Variants in AHCTF1 observed in about 807,000 individuals in gnomAD.
AHCTF1 encodes the protein protein ELYS.
Under a neutral mutation model 248.4 loss-of-function variants are expected in AHCTF1, and 24 were observed. The ratio of observed to expected loss-of-function variants is 0.10; its 90% confidence interval spans 0.07 to 0.14. The LOEUF (loss-of-function observed/expected upper bound fraction) is 0.14. Ranked by LOEUF, AHCTF1 falls within the 10% of genes least tolerant of loss-of-function variation. The probability of loss-of-function intolerance (pLI) is 1.00; values close to 1 mark genes in which losing one functional copy is unlikely to be tolerated. For missense variants in AHCTF1, 2,206 were observed against 2,636.2 expected, an observed-to-expected ratio of 0.84 and a Z score of 3.57; for synonymous variants, 786 against 929.8, an observed-to-expected ratio of 0.85 and a Z score of 2.81.
intron 7 of AHCTF1, 111 bp from the exon 8 acceptor site, chr1:246,902,786 T>C: frequency 9.3e-7 from 1 of 1,074,218 alleles, no homozygotes. Context: ...AGAAAACAAT[T>C]TAGACTGAAG....
Position 246,857,817 on chromosome 1 carries a change from A to G in AHCTF1, c.4133-3T>C, listed in dbSNP as rs1384532414. ...TGTTTCTGCATCTTCTAAATTGCCT[A>G]TAAGTCATACAAATAAGAATATTAT... is the stretch of plus-strand genomic sequence containing the variant. On this transcript the variant is annotated splice_polypyrimidine_tract_variant and splice_region_variant and intron_variant, in intron 29 of 35. Coordinates refer to ENST00000648844, the MANE Select transcript of AHCTF1 (RefSeq NM_001323342.2). 18 of 1,603,020 alleles carry G rather than the reference A, an allele frequency of 1.1e-5. No homozygotes were observed. Among genetic ancestry groups the G allele is most frequent in the Middle Eastern group, 3.3e-4 (2 of 6,042 alleles).
At chr1:246,878,396 CAAAAAAAAAAAAA>C (rs1199465751) in intron 21 of AHCTF1, among the ~76,000 whole-genome samples, 20 of 30,784 alleles carry the variant, frequency 6.5e-4, no homozygotes, top group African/African-American at 1.3e-3. Flanking sequence ...GATTCTGTCT[CAAAAAAAAAAAAA>C]AAAAAAAAAA....
chr1:246,864,239 T>C, intron 26 of AHCTF1, 123 bp from the exon 27 acceptor site: 1 of 990,634 alleles, frequency 1.0e-6, no homozygotes, highest in Non-Finnish European at 1.5e-6. Context: ...CAGTCAAGTA[T>C]ATTAATGTAA....
intron 5 of AHCTF1, among the ~76,000 whole-genome samples, chr1:246,906,412 TA>T (rs112484454): frequency 1.6e-3 from 234 of 144,004 alleles, no homozygotes; most frequent in Middle Eastern, 3.6e-3. Context: ...AATCCGTCTC[TA>T]AAAAAAAAAA....
rs752270952 is a variant in AHCTF1 at position 246,850,118 on chromosome 1, G to T, written c.5888C>A (p.Ala1963Glu). The T allele has an allele frequency of 6.2e-7, 1 of 1,613,866 alleles. No individual in the cohort carries two copies. The highest frequency in any genetic ancestry group is 8.5e-7 in the Non-Finnish European group (1 of 1,179,858). The change falls in exon 33 of 36, where the codon GCA (alanine) becomes GAA (glutamate). Residue 1963 changes from alanine (A) to glutamate (E), a missense_variant. By Grantham distance (107) the Ala-to-Glu change is moderately radical. Around this residue, in one of 6 missense-constraint regions of AHCTF1, gnomAD observed 469 missense variants for 470.0 expected, o/e 1.00. Coordinates refer to ENST00000648844, the MANE Select transcript of AHCTF1 (RefSeq NM_001323342.2). ...AGGTATGGCAGACATATCAAATTCT[G>T]CTTGAACAGTCAACTGAGATGACTC... ...NLESSQLTVQ[A>E]EFDMSAIPRK...
intron 21 of AHCTF1, among the ~76,000 whole-genome samples, chr1:246,883,725 G>A (rs1478499802): frequency 3.9e-5 from 6 of 152,084 alleles, no homozygotes; most frequent in Admixed American, 3.9e-4. Flanking sequence ...ATTTTGAGTG[G>A]TTGTTTTTAT....
At chr1:246,908,696 G>C (rs933862491) in intron 4 of AHCTF1, among the ~76,000 whole-genome samples, 5 of 149,478 alleles carry the variant, frequency 3.3e-5, no homozygotes, top group African/African-American at 1.2e-4. Context: ...GACCATCCTG[G>C]CTAACACGGT....
chr1:246,882,664 G>T (rs1249051728), intron 21 of AHCTF1, among the ~76,000 whole-genome samples: 6 of 152,096 alleles, frequency 3.9e-5, no homozygotes, highest in Non-Finnish European at 7.4e-5. Flanking sequence ...TATACAAAAG[G>T]ATTTTTTGGC....
Position 246,850,024 on chromosome 1 carries a change from C to A in AHCTF1, c.5982G>T (p.Glu1994Asp). The change falls in exon 33 of 36, where the codon GAG (glutamate) becomes GAT (aspartate). Residue 1994 changes from glutamate (E) to aspartate (D), a missense_variant. Glu to Asp is a conservative substitution (Grantham distance 45, BLOSUM62 2). Transcript: ENST00000648844. ...GAGCTTCTTTCTTCTTGGGGCTTCT[C>A]TCTTCCTTAACAGCCTTAGATCCTA... ...EDVGSKAVKE[E>D]RSPKKKEAPS... 6.2e-7 allele frequency: 1 copy of A among 1,613,834 alleles called. No homozygotes were observed. Among genetic ancestry groups the A allele is most frequent in the Non-Finnish European group, 8.5e-7 (1 of 1,179,840 alleles).
chr1:246,848,481 G>T (rs1311125380), intron 33 of AHCTF1, among the ~76,000 whole-genome samples: 1 of 151,720 alleles, frequency 6.6e-6, no homozygotes, highest in African/African-American at 2.4e-5. Context: ...GATTACAGGC[G>T]TGAGCCACCG....
intron 35 of AHCTF1, among the ~76,000 whole-genome samples, chr1:246,841,332 G>A (rs915933974): frequency 1.3e-5 from 2 of 152,194 alleles, no homozygotes; most frequent in African/African-American, 4.8e-5. Context: ...CAGCCCAGGG[G>A]ATGACAGCCC....
chr1:246,843,911 G>A lies in AHCTF1; in HGVS notation c.6409C>T (p.Pro2137Ser), dbSNP rs562069211. The change falls in exon 34 of 36, where the codon CCT becomes TCT. Residue 2137 changes from proline (P) to serine (S), a missense_variant. By Grantham distance (74) the Pro-to-Ser change is moderately conservative (BLOSUM62 -1). This residue lies in a region of AHCTF1 where 469 missense variants were observed against 470.0 expected (regional missense o/e 1.00). Transcript: ENST00000648844. ...GAAACTAATTCTTTCAGCTGTGCAG[G>A]AACCTCTATTTTTTTAGCTAAAAAA... ...RKAKAKKIEV[P>S]AQLKELVSDL... 29 of 1,468,464 alleles carry A rather than the reference G, an allele frequency of 2.0e-5. No individual in the cohort carries two copies. The East Asian group carries it at 6.1e-4, about 31-fold the overall frequency. 91.0% of individuals were successfully genotyped at this position (1,468,464 alleles called of 1,614,324 possible).
At chr1:246,908,723 TAAAAAAAAAAA>T (rs35110822) in intron 4 of AHCTF1, among the ~76,000 whole-genome samples, 1 of 106,866 alleles carries the variant, frequency 9.4e-6, no homozygotes, top group Non-Finnish European at 2.0e-5. Context: ...CAGTCTCTAC[TAAAAAAAAAAA>T]AAAAAAAAAA....
At chr1:246,860,030 G>A (rs1661414084) in intron 29 of AHCTF1, among the ~76,000 whole-genome samples, 1 of 152,142 alleles carries the variant, frequency 6.6e-6, no homozygotes, top group Non-Finnish European at 1.5e-5. Context: ...GGGAGTCCGA[G>A]GCAGGCAGAT....
chr1:246,868,844 TTG>T (rs1361707840), intron 24 of AHCTF1, among the ~76,000 whole-genome samples: 13 of 107,778 alleles, frequency 1.2e-4, no homozygotes, highest in East Asian at 7.7e-4. Context: ...TGTGTGTTTT[TTG>T]TTTTTTTTTT....
chr1:246,902,499 G>C (rs770647868), intron 8 of AHCTF1, 26 bp downstream of exon 8: 1 of 1,588,652 alleles, frequency 6.3e-7, no homozygotes. Flanking sequence ...GCCTTCACAT[G>C]ACATATTTCA....
chr1:246,905,701 G>T (rs1665339547), intron 5 of AHCTF1, 44 bp from the exon 6 acceptor site: 1 of 1,493,394 alleles, frequency 6.7e-7, no homozygotes, highest in Non-Finnish European at 9.2e-7. Context: ...TTATTTTTTA[G>T]AAAGGAAAAA....
rs1212620672 is a variant in AHCTF1, at chr1:246,876,215, T to A, written c.2938-28A>T. 7 of 1,531,038 alleles carry A rather than the reference T, an allele frequency of 4.6e-6. No individual in the cohort carries two copies. The East Asian group carries it at 1.2e-4, about 25-fold the overall frequency. 94.8% of individuals were successfully genotyped at this position (1,531,038 alleles called of 1,614,324 possible). A position where few individuals can be genotyped will look rare whatever the true frequency, so the allele number is the denominator to read the frequency against. On this transcript the variant is annotated intron_variant, in intron 23 of 35. Coordinates refer to ENST00000648844, the MANE Select transcript of AHCTF1 (RefSeq NM_001323342.2). The stretch of plus-strand genomic sequence containing the variant: ...ATTAAACATCAAAATTGGTAAAAAA[T>A]TTAACCTTCAAAATGTTAGGTGCTG...
At chr1:246,882,610 G>C (rs928715497) in intron 21 of AHCTF1, among the ~76,000 whole-genome samples, 2 of 152,120 alleles carry the variant, frequency 1.3e-5, no homozygotes, top group African/African-American at 4.8e-5. Context: ...TGAGTTAAAA[G>C]GACAGCAAAA....
Sources: allele counts gnomAD v4.1 joint callset (sites outside exome capture counted in the v4.1 genomes callset), GRCh38; gene constraint gnomAD v4.1.1; regional missense constraint gnomAD v4.1.1; transcripts MANE v1.5; gene names NCBI Gene and HGNC (gene_info 2026-07-23, HGNC 2026-07-21).